Variants in NTN4 observed in about 807,000 individuals in gnomAD.
The protein encoded by NTN4 is netrin-4.
A neutral mutation model predicts 73.6 loss-of-function variants in NTN4; 32 were observed. The observed-to-expected ratio is 0.44, with a 90% CI of 0.33 to 0.58. The LOEUF (loss-of-function observed/expected upper bound fraction) is 0.58, where lower values mean the gene tolerates loss of function less well. NTN4 is among the 20% of genes least tolerant of loss of function. NTN4 has a pLI of 0.04. For synonymous variants in NTN4, 258 were observed against 287.5 expected (o/e 0.90, Z 1.04); for missense variants, 654 against 798.3 (o/e 0.82, Z 2.18).
At chr12:95,724,995 A>G (rs1419370943) in intron 3 of NTN4, among the ~76,000 whole-genome samples, 1 of 123,292 alleles carries the variant, frequency 8.1e-6, no homozygotes, top group African/African-American at 2.6e-5. Flanking sequence ...TAGAACAGTG[A>G]TGTCATCAGG....
At chr12:95,682,130 A>G (rs1485504403) in intron 7 of NTN4, among the ~76,000 whole-genome samples, 2 of 132,356 alleles carry the variant, frequency 1.5e-5, no homozygotes, top group Non-Finnish European at 3.0e-5. Context: ...TGGCACGATC[A>G]CAGCTCACTG....
At chr12:95,692,051 G>T (rs532225184) in intron 5 of NTN4, among the ~76,000 whole-genome samples, 5 of 151,714 alleles carry the variant, frequency 3.3e-5, no homozygotes, top group Admixed American at 1.3e-4. Context: ...CTTTTTTTGG[G>T]GGGGACAGAG....
intron 7 of NTN4, among the ~76,000 whole-genome samples, chr12:95,676,741 A>G (rs1043234138): frequency 2.6e-5 from 4 of 152,256 alleles, no homozygotes; most frequent in Admixed American, 2.6e-4. Context: ...TAGTGAAATA[A>G]AGAAAAATTA....
intron 7 of NTN4, among the ~76,000 whole-genome samples, chr12:95,680,158 T>C (rs2078304983): frequency 6.6e-6 from 1 of 152,232 alleles, no homozygotes; most frequent in Non-Finnish European, 1.5e-5. Flanking sequence ...TTATTAGCTG[T>C]TTTCCTTCAC....
intron 9 of NTN4, among the ~76,000 whole-genome samples, chr12:95,664,141 C>T (rs1363640732): frequency 3.3e-5 from 5 of 151,954 alleles, no homozygotes; most frequent in Non-Finnish European, 7.4e-5. Context: ...GCAGTTTTGA[C>T]CTCCCCGGCT....
rs978929560 is a variant in NTN4 at position 95,665,997 on chromosome 12, C to T, written c.1580-17G>A. On this transcript the variant is annotated splice_polypyrimidine_tract_variant and intron_variant, in intron 8 of 9. Transcript: ENST00000343702. ...TTTTTAGCACTGTTAACACAGAAGT[C>T]AAAATGCATAGAATTTCATATTATC... 6.4e-7 allele frequency: 1 copy of T among 1,555,566 alleles called. No homozygotes were observed. The highest frequency in any genetic ancestry group is 1.4e-5 in the African/African-American group (1 of 73,044).
intron 5 of NTN4, among the ~76,000 whole-genome samples, chr12:95,698,959 A>G (rs187301945): frequency 1.1e-4 from 16 of 151,258 alleles, no homozygotes. Context: ...TATGATTATT[A>G]TGTTATGACA....
chr12:95,787,317 A>G lies in NTN4; in HGVS notation c.207T>C (p.Asp69=), dbSNP rs756557733. The G allele has an allele frequency of 6.2e-7, 1 of 1,614,256 alleles. No homozygotes were observed. The highest frequency in any genetic ancestry group is 1.1e-5 in the South Asian group (1 of 91,090). Reference sequence around the variant, plus strand: ...CACATTTGGGCTGCCGACAAGTCAGATCCGTGTTCTCACTGTAGAAGCAGT... The same window carrying G: ...CACATTTGGGCTGCCGACAAGTCAGGTCCGTGTTCTCACTGTAGAAGCAGT... The part of the protein sequence containing the change: ...ELYCFYSENT[D]LTCRQPKCDK... The change falls in exon 2 of 10, where the codon GAT becomes GAC. Residue 69 remains aspartate, a synonymous_variant. Coordinates refer to ENST00000343702, the MANE Select transcript of NTN4 (RefSeq NM_021229.4).
intron 2 of NTN4, among the ~76,000 whole-genome samples, chr12:95,749,724 T>C (rs1194125282): frequency 6.6e-6 from 1 of 152,148 alleles, no homozygotes; most frequent in South Asian, 2.1e-4. Context: ...TCACCCTTAG[T>C]GGCAAGTCCT....
rs1172435757 is a variant in NTN4, at chr12:95,669,257, TATG to T, written c.1579+818_1579+820del. ...ACTAGGCAAGAATGTGTTGGCAAGA[TATG>T]ATATCTTAATATATTTAATAGTAAA... On this transcript the variant is annotated intron_variant, in intron 8 of 9. Coordinates refer to ENST00000343702, the MANE Select transcript of NTN4 (RefSeq NM_021229.4). Among the ~76,000 whole-genome samples the T allele has an allele frequency of 3.3e-5, 5 of 151,512 alleles. No individual in the cohort carries two copies. In the East Asian group the frequency reaches 9.7e-4, roughly 29 times the overall value.
intron 5 of NTN4, among the ~76,000 whole-genome samples, chr12:95,699,041 G>C (rs1242380688): frequency 7.6e-6 from 1 of 131,068 alleles, no homozygotes; most frequent in African/African-American, 2.7e-5. Flanking sequence ...AAAAAAAAAA[G>C]CTGAGATTAA....
intron 2 of NTN4, among the ~76,000 whole-genome samples, chr12:95,773,693 A>G (rs2079073032): frequency 1.3e-5 from 2 of 151,614 alleles, no homozygotes; most frequent in Non-Finnish European, 1.5e-5. Flanking sequence ...CCATCTCAAC[A>G]TAAGCCTCTT....
chr12:95,717,271 C>T (rs901503393), intron 3 of NTN4, among the ~76,000 whole-genome samples: 1 of 152,188 alleles, frequency 6.6e-6, no homozygotes, highest in Admixed American at 6.6e-5. Flanking sequence ...TCACCCAACA[C>T]ATGGGTTCAT....
intron 5 of NTN4, among the ~76,000 whole-genome samples, chr12:95,701,743 A>G (rs1431652172): frequency 6.6e-6 from 1 of 152,318 alleles, no homozygotes; most frequent in East Asian, 1.9e-4. Flanking sequence ...GCTTCTCAGG[A>G]GAGTGGGAGG....
intron 2 of NTN4, among the ~76,000 whole-genome samples, chr12:95,752,351 C>G (rs1408358078): frequency 1.4e-5 from 2 of 146,130 alleles, no homozygotes; most frequent in Admixed American, 6.8e-5. Flanking sequence ...TGGTGCCAAA[C>G]CCATATACTC....
At chr12:95,694,897 C>A (rs758648531) in intron 5 of NTN4, among the ~76,000 whole-genome samples, 20 of 152,190 alleles carry the variant, frequency 1.3e-4, no homozygotes, top group Non-Finnish European at 2.8e-4. Context: ...GAGGCCAAGG[C>A]AGGTAAAATC....
intron 2 of NTN4, among the ~76,000 whole-genome samples, chr12:95,753,362 T>C (rs12581532): frequency 0.79 from 112,016 of 142,650 alleles, 44,500 homozygotes; most frequent in South Asian, 0.89. Context: ...CGAGGATTTG[T>C]CCCCACCCAG....
At chr12:95,728,010 C>T (rs2078707892) in intron 3 of NTN4, among the ~76,000 whole-genome samples, 1 of 151,442 alleles carries the variant, frequency 6.6e-6, no homozygotes, top group Non-Finnish European at 1.5e-5. Flanking sequence ...GTGTATATGC[C>T]CTGCATTTGG....
intron 2 of NTN4, among the ~76,000 whole-genome samples, chr12:95,741,877 G>A (rs985388652): frequency 6.6e-6 from 1 of 151,962 alleles, no homozygotes; most frequent in Non-Finnish European, 1.5e-5. Context: ...GAGGACTACT[G>A]TAATAATTTC....
Sources: allele counts gnomAD v4.1 joint callset (sites outside exome capture counted in the v4.1 genomes callset), GRCh38; gene constraint gnomAD v4.1.1; transcripts MANE v1.5; gene names NCBI Gene and HGNC (gene_info 2026-07-23, HGNC 2026-07-21).